The following WFDC1 variants were observed in gnomAD, a reference collection of about 807,000 sequenced individuals.
WFDC1 encodes WAP four-disulfide core domain protein 1.
Under a neutral mutation model 32.9 loss-of-function variants are expected in WFDC1, and 39 were observed. The observed-to-expected ratio is 1.19, with a 90% CI of 0.92 to 1.55. WFDC1 has a LOEUF of 1.55. Among genes scored for constraint, WFDC1 ranks in the 40% most tolerant of loss-of-function variants. The pLI, the probability that WFDC1 is intolerant of heterozygous loss-of-function variation, is 0.00. For synonymous variants in WFDC1, 184 were observed against 137.4 expected, an observed-to-expected ratio of 1.34 and a Z score of -2.37; for missense variants, 386 against 309.5, an observed-to-expected ratio of 1.25 and a Z score of -1.85.
intron 2 of WFDC1, chr16:84,316,946 C>T (rs1242646280): frequency 6.7e-6 from 1 of 149,944 alleles, no homozygotes; most frequent in African/African-American, 2.5e-5. Flanking sequence ...CCATTGCACT[C>T]CAGCCTGGGC....
At chr16:84,308,293 C>A (rs907775829) in intron 1 of WFDC1, among the ~76,000 whole-genome samples, 1 of 152,170 alleles carries the variant, frequency 6.6e-6, no homozygotes, top group African/African-American at 2.4e-5. Context: ...CGGCCCGGAC[C>A]TGTTCCCAGG....
intron 4 of WFDC1, among the ~76,000 whole-genome samples, chr16:84,321,803 G>T (rs1312390339): frequency 6.6e-6 from 1 of 152,174 alleles, no homozygotes; most frequent in African/African-American, 2.4e-5. Flanking sequence ...AGGTTTCAGA[G>T]TGCAGGCTCA....
intron 1 of WFDC1, among the ~76,000 whole-genome samples, chr16:84,311,092 T>C (rs1295576595): frequency 6.6e-6 from 1 of 152,118 alleles, no homozygotes; most frequent in Non-Finnish European, 1.5e-5. Flanking sequence ...CCCATTTTCA[T>C]AGAAGCAGAA....
chr16:84,304,463 G>A lies in WFDC1; in HGVS notation c.145-8498G>A, dbSNP rs544677845. On this transcript the variant is annotated intron_variant, in intron 1 of 6. Coordinates refer to ENST00000219454, the MANE Select transcript of WFDC1 (RefSeq NM_021197.4). The stretch of plus-strand genomic sequence containing the variant: ...GGCTGGTCTCGAACTCCTGACCTCA[G>A]GTGATCCACCTGCCTTGGCCTCCCA... Among the ~76,000 whole-genome samples the A allele has an allele frequency of 3.9e-5, 6 of 152,240 alleles. No homozygotes were observed. In the South Asian group the frequency reaches 1.2e-3, roughly 32 times the overall value.
chr16:84,321,524 G>A (rs1426381836), intron 4 of WFDC1, among the ~76,000 whole-genome samples: 3 of 152,170 alleles, frequency 2.0e-5, no homozygotes, highest in African/African-American at 7.2e-5. Flanking sequence ...AATGCCTTGG[G>A]CACTTGTCTT....
chr16:84,302,259 G>A (rs937893556), intron 1 of WFDC1, among the ~76,000 whole-genome samples: 3 of 152,180 alleles, frequency 2.0e-5, no homozygotes, highest in Non-Finnish European at 4.4e-5. Context: ...TGCCTGGGGT[G>A]ATGGAAAAGC....
intron 1 of WFDC1, among the ~76,000 whole-genome samples, chr16:84,302,550 G>A (rs940736664): frequency 2.9e-4 from 44 of 151,890 alleles, no homozygotes; most frequent in East Asian, 1.2e-3. Flanking sequence ...GTAGCTTCAC[G>A]CCCATCTCCT....
At chr16:84,318,176 C>G in intron 2 of WFDC1, 96 bp from the exon 3 acceptor site, 2 of 1,108,336 alleles carry the variant, frequency 1.8e-6, no homozygotes, top group Non-Finnish European at 2.7e-6. Context: ...TGGGGAGCCT[C>G]TGTGCTGTCA....
intron 5 of WFDC1, among the ~76,000 whole-genome samples, chr16:84,325,433 C>T (rs1036808070): frequency 6.6e-6 from 1 of 152,038 alleles, no homozygotes; most frequent in South Asian, 2.1e-4. Context: ...AAACTCCTGA[C>T]CTCAGGTGAT....
intron 1 of WFDC1, among the ~76,000 whole-genome samples, chr16:84,298,248 C>T (rs554398668): frequency 1.3e-3 from 191 of 152,106 alleles, no homozygotes; most frequent in African/African-American, 4.5e-3. Context: ...GTTGGGATTA[C>T]AGGCATGTAC....
At chr16:84,312,694 T>C (rs1362796221) in intron 1 of WFDC1, among the ~76,000 whole-genome samples, 1 of 152,182 alleles carries the variant, frequency 6.6e-6, no homozygotes, top group African/African-American at 2.4e-5. Context: ...ACTTAAGTAA[T>C]TGTCCTTCAG....
At chr16:84,297,650 G>A (rs58796636) in intron 1 of WFDC1, among the ~76,000 whole-genome samples, 4,935 of 115,162 alleles carry the variant, frequency 0.043, 352 homozygotes, top group African/African-American at 0.14. Flanking sequence ...AAAAAAAACT[G>A]TGCCTCAGAG....
intron 1 of WFDC1, among the ~76,000 whole-genome samples, chr16:84,309,635 C>T (rs573381794): frequency 9.2e-5 from 14 of 152,148 alleles, no homozygotes; most frequent in African/African-American, 3.1e-4. Context: ...TCTCATGGTT[C>T]TGGGGCCAGA....
At chr16:84,301,414 G>T (rs563345137) in intron 1 of WFDC1, among the ~76,000 whole-genome samples, 199 of 152,304 alleles carry the variant, frequency 1.3e-3, no homozygotes, top group South Asian at 2.5e-3. Flanking sequence ...GTGCTGTTTT[G>T]GCTGGGGACA....
At position 84,294,914 on chromosome 16, in the gene WFDC1, C is replaced by T. The variant is rs960078577; in HGVS notation, c.-58C>T. The T allele has an allele frequency of 2.1e-5, 33 of 1,575,270 alleles. No individual in the cohort carries two copies. In the East Asian group the frequency reaches 3.4e-4, roughly 16 times the overall value. ...GCTCCTGTCCCCACTCACAGGCCCA[C>T]GCAGCGAGGGGGGCCCCTCTTCTGT... On this transcript the variant is annotated 5_prime_UTR_variant, in exon 1 of 7. In the 5' UTR this introduces an upstream ATG that the reference lacks. Coordinates refer to ENST00000219454, the MANE Select transcript of WFDC1 (RefSeq NM_021197.4).
At chr16:84,322,160 C>CGCGTGTGTGTGTGTGTGTGTGTGTGT (rs376461348) in intron 4 of WFDC1, among the ~76,000 whole-genome samples, 1 of 142,186 alleles carries the variant, frequency 7.0e-6, no homozygotes, top group East Asian at 2.1e-4. Flanking sequence ...TGTGTGTGTG[C>CGCGTGTGTGTGTGTGTGTGTGTGTGT]GTGTGTGTGT....
intron 1 of WFDC1, among the ~76,000 whole-genome samples, chr16:84,307,248 C>G (rs187803690): frequency 2.6e-5 from 4 of 152,304 alleles, no homozygotes; most frequent in South Asian, 2.1e-4. Context: ...GGAGGGTAAG[C>G]TGTTCATGTC....
intron 1 of WFDC1, among the ~76,000 whole-genome samples, chr16:84,307,992 ACCT>A (rs1460383605): frequency 2.6e-5 from 4 of 151,740 alleles, no homozygotes; most frequent in African/African-American, 9.7e-5. Context: ...AAAACCATTC[ACCT>A]CCTTAAGGCC....
At chr16:84,309,155 A>G (rs1427102180) in intron 1 of WFDC1, among the ~76,000 whole-genome samples, 1 of 152,154 alleles carries the variant, frequency 6.6e-6, no homozygotes, top group Non-Finnish European at 1.5e-5. Flanking sequence ...GTTTGAAGAG[A>G]TGAATGTGCT....
Sources: gnomAD v4.1 joint callset for allele counts (sites outside exome capture counted in the v4.1 genomes callset) on GRCh38, gnomAD v4.1.1 for gene constraint, MANE v1.5 for transcripts, NCBI Gene and HGNC (gene_info 2026-07-23, HGNC 2026-07-21) for gene names.